IWS1: variants seen among roughly 807,000 people sequenced by gnomAD.
IWS1 encodes the protein interacts with SUPT6H, CTD assembly factor 1.
A neutral mutation model predicts 86.7 loss-of-function variants in IWS1; 27 were observed. That is an observed-to-expected ratio of 0.31 (90% confidence interval 0.23 to 0.43). The LOEUF (loss-of-function observed/expected upper bound fraction) is 0.43, where lower values mean the gene tolerates loss of function less well. Among genes scored for constraint, IWS1 ranks in the 20% least tolerant of loss-of-function variants. The probability of loss-of-function intolerance (pLI) is 1.00; values close to 1 mark genes in which losing one functional copy is unlikely to be tolerated. For synonymous variants in IWS1, 313 were observed against 335.1 expected (o/e 0.93, Z 0.72); for missense variants, 827 against 1,000.8 (o/e 0.83, Z 2.34).
chr2:127,505,946 C>A lies in IWS1; in HGVS notation c.151-194G>T. On this transcript the variant is annotated intron_variant, in intron 2 of 13. Transcript: ENST00000295321. This position sits in a 1 kb window ranked among gnomAD's most constrained non-coding sequence, Gnocchi z 5.0. The stretch of plus-strand genomic sequence containing the variant: ...AGTGAAATGGTTTTATTTGGATCCC[C>A]AAATGGGGAAATATAACCAGCCTTC... 1 of 457,558 alleles carries A rather than the reference C, an allele frequency of 2.2e-6. No individual in the cohort carries two copies. The highest frequency in any genetic ancestry group is 3.8e-5 in the Admixed American group (1 of 26,068). The allele number at this position is 457,558 out of a possible 1,614,324, so 28.3% of individuals were successfully genotyped here. A position where few individuals can be genotyped will look rare whatever the true frequency, so the allele number is the denominator to read the frequency against.
chr2:127,481,180 G>C lies in IWS1; in HGVS notation c.2329-5C>G, dbSNP rs996602495. ...CTTCTTGGAGGTCGCCTGAAACTAAGAGTAAGGGAAAAATTAAAGAGCAAA... is the reference window on the plus strand; with the variant it reads ...CTTCTTGGAGGTCGCCTGAAACTAACAGTAAGGGAAAAATTAAAGAGCAAA... On this transcript the variant is annotated splice_region_variant and splice_polypyrimidine_tract_variant and intron_variant, in intron 13 of 13. Coordinates refer to ENST00000295321, the MANE Select transcript of IWS1 (RefSeq NM_017969.3). The C allele has an allele frequency of 1.9e-6, 3 of 1,587,398 alleles. No homozygotes were observed. The highest frequency in any genetic ancestry group is 2.6e-6 in the Non-Finnish European group (3 of 1,172,086).
rs144079075 is a variant in IWS1, at chr2:127,481,218, G to C, written c.2329-43C>G. The stretch of plus-strand genomic sequence containing the variant: ...ATTAAAGAGCAAACTACTGAAATAC[G>C]TAAGTCTAGTTATGTCTTTCATCTT... On this transcript the variant is annotated intron_variant, in intron 13 of 13. Coordinates refer to ENST00000295321, the MANE Select transcript of IWS1 (RefSeq NM_017969.3). 1.7e-4 allele frequency: 259 copies of C among 1,553,250 alleles called. No homozygotes were observed. The African/African-American group carries it at 2.9e-3, about 17-fold the overall frequency.
rs577147615 is a variant in IWS1 at position 127,496,872 on chromosome 2, C to T, written c.1566-724G>A. ...AGATTACAGGCATAAGCCACCACGT[C>T]CAACTATATTGTATTTTAACTGCAA... On this transcript the variant is annotated intron_variant, in intron 6 of 13. Coordinates refer to ENST00000295321, the MANE Select transcript of IWS1 (RefSeq NM_017969.3). 3.2e-4 allele frequency among the ~76,000 whole-genome samples: 48 copies of T among 152,274 alleles called. 1 individual carries two copies. Among genetic ancestry groups the T allele is most frequent in the Admixed American group, 2.9e-3 (45 of 15,292 alleles).
At chr2:127,498,092 C>T in intron 6 of IWS1, 48 bp downstream of exon 6, 1 of 1,425,196 alleles carries the variant, frequency 7.0e-7, no homozygotes, top group Non-Finnish European at 9.8e-7. Flanking sequence ...TAGTCTCTAC[C>T]TTGATTTTTA....
chr2:127,524,629 C>G (rs552433420), intron 1 of IWS1, among the ~76,000 whole-genome samples: 11 of 151,952 alleles, frequency 7.2e-5, no homozygotes, highest in African/African-American at 2.7e-4. Context: ...ACCTCCACCC[C>G]CCCGGGTTCA....
At chr2:127,490,325 G>C (rs1690158607) in intron 10 of IWS1, among the ~76,000 whole-genome samples, 1 of 152,116 alleles carries the variant, frequency 6.6e-6, no homozygotes. Context: ...TTGAAATTCT[G>C]CTTTCTTATC....
Position 127,499,332 on chromosome 2 carries a change from C to T in IWS1, c.1468-1095G>A, listed in dbSNP as rs1160267631. ...GTCTCGATCTCCTGACCTTGTGAGCCGCCCACCTCGGCCTCCCAAAGTGCT... is the reference window on the plus strand; with the variant it reads ...GTCTCGATCTCCTGACCTTGTGAGCTGCCCACCTCGGCCTCCCAAAGTGCT... On this transcript the variant is annotated intron_variant, in intron 5 of 13. Transcript: ENST00000295321. This position sits in a 1 kb window ranked among gnomAD's most constrained non-coding sequence, Gnocchi z 4.0. 6.6e-6 allele frequency among the ~76,000 whole-genome samples: 1 copy of T among 152,220 alleles called. No homozygotes were observed.
chr2:127,483,264 T>A (rs1447835670), intron 13 of IWS1, among the ~76,000 whole-genome samples: 1 of 152,162 alleles, frequency 6.6e-6, no homozygotes, highest in Non-Finnish European at 1.5e-5. Context: ...AAAAATACAA[T>A]GTAGCACAGG....
At chr2:127,526,853 G>C, upstream of IWS1, 1 of 397,336 alleles carries the variant, frequency 2.5e-6, no homozygotes, top group South Asian at 2.0e-5. Context: ...CAGTAGGCAA[G>C]AAAGCGGGCG....
intron 1 of IWS1, 98 bp from the exon 2 acceptor site, chr2:127,523,889 G>C: frequency 1.2e-6 from 1 of 814,688 alleles, no homozygotes; most frequent in South Asian, 1.7e-5. Flanking sequence ...AAGTGCAAAA[G>C]TTACCACTGA....
At chr2:127,492,293 C>G (rs1261161080) in intron 9 of IWS1, among the ~76,000 whole-genome samples, 1 of 152,148 alleles carries the variant, frequency 6.6e-6, no homozygotes, top group Non-Finnish European at 1.5e-5. Flanking sequence ...GCCTGTAATC[C>G]CAGCACTTTG....
At chr2:127,516,278 C>T (rs1330135352) in intron 2 of IWS1, among the ~76,000 whole-genome samples, 4 of 152,158 alleles carry the variant, frequency 2.6e-5, no homozygotes, top group Non-Finnish European at 5.9e-5. Flanking sequence ...ATCTCTTCAA[C>T]CTGGGCAGTG....
chr2:127,484,313 A>G (rs1689811844), intron 13 of IWS1, among the ~76,000 whole-genome samples: 1 of 152,156 alleles, frequency 6.6e-6, no homozygotes, highest in South Asian at 2.1e-4. Flanking sequence ...CACCGTCTCA[A>G]AAACAAAAAC....
At chr2:127,526,797 AC>A, upstream of IWS1, 1 of 831,006 alleles carries the variant, frequency 1.2e-6, no homozygotes, top group South Asian at 1.4e-5. Context: ...ATTCAGCCAA[AC>A]CACTGTCTTT....
chr2:127,515,781 C>A (rs1573560173), intron 2 of IWS1, among the ~76,000 whole-genome samples: 1 of 152,164 alleles, frequency 6.6e-6, no homozygotes, highest in African/African-American at 2.4e-5. Context: ...CCTCACAATT[C>A]AGTGAGGCTG....
chr2:127,517,750 G>C (rs771025080), intron 2 of IWS1, among the ~76,000 whole-genome samples: 2 of 152,140 alleles, frequency 1.3e-5, no homozygotes, highest in South Asian at 4.1e-4. Flanking sequence ...GAAAACATAT[G>C]TCTACAAAAA....
At chr2:127,493,983 T>C (rs575396894) in intron 8 of IWS1, among the ~76,000 whole-genome samples, 22 of 152,160 alleles carry the variant, frequency 1.4e-4, no homozygotes, top group Non-Finnish European at 2.8e-4. Flanking sequence ...AGAAATTTTC[T>C]AGTTACAGAT....
intron 3 of IWS1, 37 bp downstream of exon 3, chr2:127,504,647 T>TAAAG: frequency 7.1e-7 from 1 of 1,406,756 alleles, no homozygotes; most frequent in Non-Finnish European, 9.8e-7. Context: ...AGACAATGAA[T>TAAAG]AAAGCCATTG....
intron 6 of IWS1, among the ~76,000 whole-genome samples, 170 bp from the exon 7 acceptor site, chr2:127,496,318 C>T (rs1198632177): frequency 3.9e-5 from 6 of 152,082 alleles, no homozygotes; most frequent in South Asian, 2.1e-4. Context: ...CGGTCAATGA[C>T]GGACTGCAAA....
Sources: allele counts gnomAD v4.1 joint callset (sites outside exome capture counted in the v4.1 genomes callset), GRCh38; gene constraint gnomAD v4.1.1; non-coding constraint Gnocchi (gnomAD v3.1); transcripts MANE v1.5; gene names NCBI Gene and HGNC (gene_info 2026-07-23, HGNC 2026-07-21).